Variants in DPYD observed in about 807,000 individuals in gnomAD.
The protein encoded by DPYD is dihydropyrimidine dehydrogenase [NADP(+)].
A neutral mutation model predicts 116.2 loss-of-function variants in DPYD; 109 were observed. The ratio of observed to expected loss-of-function variants is 0.94; its 90% CI spans 0.80 to 1.10. DPYD has a LOEUF of 1.10. DPYD is among the 50% of genes least tolerant of loss of function. The probability of loss-of-function intolerance (pLI) is 0.00; values close to 1 mark genes in which losing one functional copy is unlikely to be tolerated. For missense variants in DPYD, 1,302 were observed against 1,254.5 expected, an observed-to-expected ratio of 1.04 and a Z score of -0.57; for synonymous variants, 440 against 432.0, an observed-to-expected ratio of 1.02 and a Z score of -0.23.
chr1:97,141,008 C>T (rs1654176238), intron 20 of DPYD, among the ~76,000 whole-genome samples: 1 of 152,030 alleles, frequency 6.6e-6, no homozygotes, highest in African/African-American at 2.4e-5. Context: ...GATCATACGT[C>T]TAATAGATCT....
At chr1:97,412,976 CAT>C (rs1471362948) in intron 14 of DPYD, among the ~76,000 whole-genome samples, 1 of 152,174 alleles carries the variant, frequency 6.6e-6, no homozygotes, top group African/African-American at 2.4e-5. Context: ...TATGTCCCCA[CAT>C]GTCTCATAAA....
intron 3 of DPYD, among the ~76,000 whole-genome samples, chr1:97,747,295 T>G (rs748168232): frequency 3.3e-5 from 5 of 152,248 alleles, no homozygotes; most frequent in South Asian, 2.1e-4. Flanking sequence ...GGCACTAAAA[T>G]AGCTGATATA....
chr1:97,504,454 T>C (rs1205239404), intron 13 of DPYD, among the ~76,000 whole-genome samples: 1 of 151,998 alleles, frequency 6.6e-6, no homozygotes, highest in Non-Finnish European at 1.5e-5. Flanking sequence ...CTGTTCAATA[T>C]GGTCCCTTGG....
intron 15 of DPYD, among the ~76,000 whole-genome samples, chr1:97,377,814 T>C (rs953470491): frequency 8.5e-5 from 13 of 152,112 alleles, no homozygotes; most frequent in Admixed American, 7.2e-4. Context: ...GGGCCCAGTG[T>C]GGGATGTCAC....
intron 14 of DPYD, among the ~76,000 whole-genome samples, chr1:97,424,796 T>G (rs777406449): frequency 6.6e-6 from 1 of 152,058 alleles, no homozygotes; most frequent in Non-Finnish European, 1.5e-5. Flanking sequence ...GCTGTCTTAT[T>G]GAAGGTTAAT....
rs1672686712 is a variant in DPYD, at chr1:97,889,763, CAG to C, written c.40-6391_40-6390del. Among the ~76,000 whole-genome samples, 3 of 152,050 alleles carry C rather than the reference CAG, an allele frequency of 2.0e-5. No homozygotes were observed. In the South Asian group the frequency reaches 6.2e-4, roughly 32 times the overall value. On this transcript the variant is annotated intron_variant, in intron 1 of 22. Transcript: ENST00000370192. ...ACAACTATAAATCAACAAGACCTAACAGACATCCATATAACACTCTAAAAGAG... is the reference window on the plus strand; with the variant it reads ...ACAACTATAAATCAACAAGACCTAACACATCCATATAACACTCTAAAAGAG...
intron 13 of DPYD, among the ~76,000 whole-genome samples, chr1:97,458,984 A>T (rs951172690): frequency 1.1e-4 from 17 of 152,124 alleles, no homozygotes; most frequent in Non-Finnish European, 2.1e-4. Context: ...CATAGGTGGG[A>T]GCCAGTGCAA....
At chr1:97,192,843 C>T (rs1658470306) in intron 20 of DPYD, among the ~76,000 whole-genome samples, 1 of 152,160 alleles carries the variant, frequency 6.6e-6, no homozygotes, top group East Asian at 1.9e-4. Context: ...AAACATCGGT[C>T]TTTTCCTTTT....
At chr1:97,396,792 T>C (rs1673031807) in intron 14 of DPYD, among the ~76,000 whole-genome samples, 1 of 152,028 alleles carries the variant, frequency 6.6e-6, no homozygotes, top group Non-Finnish European at 1.5e-5. Flanking sequence ...TGTAGTGCCA[T>C]CCTAGACGTC....
chr1:97,324,597 A>G (rs1355255621), intron 16 of DPYD, among the ~76,000 whole-genome samples: 2 of 152,132 alleles, frequency 1.3e-5, no homozygotes, highest in East Asian at 1.9e-4. Flanking sequence ...TTTGTCCTCA[A>G]AGAACTTACA....
At chr1:97,288,429 G>A (rs902677520) in intron 18 of DPYD, among the ~76,000 whole-genome samples, 68 of 151,856 alleles carry the variant, frequency 4.5e-4, no homozygotes, top group South Asian at 8.4e-4. Context: ...TGACCACATA[G>A]TTGGAAGTAA....
intron 16 of DPYD, chr1:97,322,859 T>C (rs956696902): frequency 5.3e-5 from 8 of 151,996 alleles, no homozygotes; most frequent in Non-Finnish European, 5.9e-5. Flanking sequence ...TTGTAAGACA[T>C]ACAGCAGCTC....
intron 5 of DPYD, among the ~76,000 whole-genome samples, chr1:97,705,346 T>A (rs1306962722): frequency 6.6e-6 from 1 of 152,066 alleles, no homozygotes; most frequent in East Asian, 1.9e-4. Flanking sequence ...TGTGTTCTCA[T>A]TGTTCAATTC....
chr1:97,636,884 G>A (rs1328859623), intron 8 of DPYD, among the ~76,000 whole-genome samples: 1 of 152,152 alleles, frequency 6.6e-6, no homozygotes, highest in Non-Finnish European at 1.5e-5. Flanking sequence ...CCCAGGGTCA[G>A]TAAGAAATCC....
chr1:97,850,809 T>C (rs967775698), intron 2 of DPYD, among the ~76,000 whole-genome samples: 7 of 152,044 alleles, frequency 4.6e-5, no homozygotes, highest in Non-Finnish European at 8.8e-5. Context: ...CTTCATTGCT[T>C]ATAACTATAA....
At position 97,907,053 on chromosome 1, in the gene DPYD, C is replaced by T. The variant is rs979092086; in HGVS notation, c.39+13831G>A. On this transcript the variant is annotated intron_variant, in intron 1 of 22. Transcript: ENST00000370192. ...TACTAAGTGACTAGCAGGCAGGGAGCTTAGAAAGTGTGGAGACCCTGGCTG... is the reference window on the plus strand; with the variant it reads ...TACTAAGTGACTAGCAGGCAGGGAGTTTAGAAAGTGTGGAGACCCTGGCTG... Among the ~76,000 whole-genome samples the T allele has an allele frequency of 2.0e-5, 3 of 152,174 alleles. No homozygotes were observed. In the East Asian group the frequency reaches 5.8e-4, roughly 29 times the overall value.
chr1:97,801,986 T>C (rs1357961446), intron 3 of DPYD, among the ~76,000 whole-genome samples: 1 of 151,864 alleles, frequency 6.6e-6, no homozygotes, highest in Non-Finnish European at 1.5e-5. Context: ...ATATAAAATA[T>C]AAATAAGAAA....
intron 3 of DPYD, among the ~76,000 whole-genome samples, chr1:97,788,137 C>T (rs1021976676): frequency 3.9e-5 from 6 of 152,130 alleles, no homozygotes; most frequent in African/African-American, 1.2e-4. Context: ...GGACGTGGGG[C>T]AGCTTTGGGG....
At chr1:97,845,302 T>A (rs1290657697) in intron 2 of DPYD, among the ~76,000 whole-genome samples, 1 of 151,826 alleles carries the variant, frequency 6.6e-6, no homozygotes, top group Admixed American at 6.6e-5. Flanking sequence ...CAGCACACAC[T>A]TACTCCCTTC....
Sources: allele counts gnomAD v4.1 joint callset (sites outside exome capture counted in the v4.1 genomes callset), GRCh38; gene constraint gnomAD v4.1.1; transcripts MANE v1.5; gene names NCBI Gene and HGNC (gene_info 2026-07-23, HGNC 2026-07-21).